ABR: variants seen among roughly 807,000 people sequenced by gnomAD.
ABR encodes the protein active breakpoint cluster region-related protein.
A neutral mutation model predicts 107.2 loss-of-function variants in ABR; 35 were observed. That is an observed-to-expected ratio of 0.33 (90% confidence interval 0.25 to 0.43). The LOEUF is 0.43. ABR is among the 20% of genes least tolerant of loss of function. ABR has a pLI of 1.00. For synonymous variants in ABR, 498 were observed against 462.0 expected, an observed-to-expected ratio of 1.08 and a Z score of -1.00; for missense variants, 815 against 1,115.2, an observed-to-expected ratio of 0.73 and a Z score of 3.83.
chr17:1,130,934 C>G (rs2039795021), intron 1 of ABR, among the ~76,000 whole-genome samples: 1 of 152,346 alleles, frequency 6.6e-6, no homozygotes, highest in South Asian at 2.1e-4. Flanking sequence ...GACTTCTGGT[C>G]TTCAGACTGC....
In ABR at chr17:1,010,968, G is replaced by T; in HGVS notation, c.2102-105C>A. 6.8e-7 allele frequency: 1 copy of T among 1,464,760 alleles called. No individual in the cohort carries two copies. The highest frequency in any genetic ancestry group is 9.3e-7 in the Non-Finnish European group (1 of 1,071,964). The allele number at this position is 1,464,760 out of a possible 1,614,324, so 90.7% of individuals were successfully genotyped here. ...CCCCACCCACTCCAGCTCTGGTTCT[G>T]GTCTCCCCTGGAAGAGCAGGATGTA... On this transcript the variant is annotated intron_variant, in intron 19 of 22. Coordinates refer to ENST00000302538, the MANE Select transcript of ABR (RefSeq NM_021962.5). The surrounding 1 kb of genome is among the most constrained non-coding windows in gnomAD (Gnocchi z 4.1).
intron 1 of ABR, among the ~76,000 whole-genome samples, chr17:1,149,049 C>A (rs1463608097): frequency 1.3e-5 from 2 of 149,574 alleles, no homozygotes; most frequent in East Asian, 3.9e-4. Context: ...CGACAGGTGC[C>A]TGCCACCATG....
chr17:1,143,012 A>AG, intron 1 of ABR, among the ~76,000 whole-genome samples: 1 of 50,180 alleles, frequency 2.0e-5, no homozygotes, highest in Non-Finnish European at 4.0e-5. Flanking sequence ...ATTCCTGGGG[A>AG]CAGCTCGCTC....
chr17:1,097,989 G>C (rs144149950), intron 3 of ABR, among the ~76,000 whole-genome samples: 32 of 152,186 alleles, frequency 2.1e-4, no homozygotes, highest in African/African-American at 6.0e-4. Flanking sequence ...GAGAGAGAAA[G>C]AATGGCATCC....
At chr17:1,074,304 C>G (rs1322283197) in intron 6 of ABR, among the ~76,000 whole-genome samples, 1 of 150,766 alleles carries the variant, frequency 6.6e-6, no homozygotes, top group Non-Finnish European at 1.5e-5. Flanking sequence ...CTCCACCCAG[C>G]CATGCCCTGC....
chr17:1,137,384 C>T (rs991855111), intron 1 of ABR, among the ~76,000 whole-genome samples: 5 of 152,052 alleles, frequency 3.3e-5, no homozygotes, highest in Non-Finnish European at 5.9e-5. Context: ...GTGACAGACG[C>T]ACACCTCGAG....
intron 5 of ABR, among the ~76,000 whole-genome samples, chr17:1,081,853 A>G (rs1011387387): frequency 1.3e-5 from 2 of 152,188 alleles, no homozygotes; most frequent in Non-Finnish European, 2.9e-5. Flanking sequence ...CTGGGATGAC[A>G]GGTGTGAGCC....
intron 3 of ABR, 25 bp from the exon 4 acceptor site, chr17:1,091,875 G>C (rs1349955603): frequency 6.2e-7 from 1 of 1,603,692 alleles, no homozygotes; most frequent in African/African-American, 1.3e-5. Context: ...GGAAGAAAGA[G>C]CAGAGGTCGG....
Position 1,167,981 on chromosome 17 carries a change from G to A in ABR, c.61+11686C>T, listed in dbSNP as rs558367785. On this transcript the variant is annotated intron_variant, in intron 1 of 22. Coordinates refer to ENST00000302538, the MANE Select transcript of ABR (RefSeq NM_021962.5). The stretch of plus-strand genomic sequence containing the variant: ...AGCCTGGCCAACATGGTGAAACCCC[G>A]TCTCTACTAAAAATACAAAAATTAG... Among the ~76,000 whole-genome samples, 20 of 151,426 alleles carry A rather than the reference G, an allele frequency of 1.3e-4. No homozygotes were observed. The South Asian group carries it at 1.9e-3, about 14-fold the overall frequency.
intron 5 of ABR, among the ~76,000 whole-genome samples, chr17:1,080,537 G>A (rs1022444799): frequency 2.6e-5 from 4 of 151,904 alleles, no homozygotes; most frequent in Non-Finnish European, 4.4e-5. Context: ...GTGAGGCCAC[G>A]GTCAGGTGCC....
chr17:1,109,119 C>CGGGAGGAGGGA, intron 2 of ABR: 1 of 1,321,012 alleles, frequency 7.6e-7, no homozygotes, highest in Non-Finnish European at 1.0e-6. Flanking sequence ...CACGCAGCGG[C>CGGGAGGAGGGA]GGCGGGAGGA....
In ABR at chr17:1,197,818, G is replaced by A. The variant is rs75250703; in HGVS notation, c.838+30975C>T. ...GATCAGCGCTCACCCAAACCAGACCGTGACTTGGTTTTCCCCAGAGAGCAG... is the reference window on the plus strand; with the variant it reads ...GATCAGCGCTCACCCAAACCAGACCATGACTTGGTTTTCCCCAGAGAGCAG... On this transcript the variant is annotated intron_variant, in intron 1 of 22. Transcript: ENST00000574139. Among the ~76,000 whole-genome samples, 1,469 of 151,762 alleles carry A rather than the reference G, an allele frequency of 9.7e-3. 22 individuals carry two copies. Among genetic ancestry groups the A allele is most frequent in the Non-Finnish European group, 0.016 (1,110 of 68,008 alleles).
At chr17:1,144,592 A>G (rs1278632906) in intron 1 of ABR, among the ~76,000 whole-genome samples, 2 of 151,610 alleles carry the variant, frequency 1.3e-5, no homozygotes, top group East Asian at 3.9e-4. Flanking sequence ...ATCAGGCAAA[A>G]AAAAAAAAAG....
rs2035890245 is a variant in ABR, at chr17:1,078,172, C to G, written c.700+1158G>C. Among the ~76,000 whole-genome samples, 1 of 151,844 alleles carries G rather than the reference C, an allele frequency of 6.6e-6. No homozygotes were observed. Among genetic ancestry groups the G allele is most frequent in the African/African-American group, 2.4e-5 (1 of 41,352 alleles). ...CTTGCCACACCCCTCTCCCGCTGGC[C>G]CTGCCGACCTGCCTTCCACAGTTGA... On this transcript the variant is annotated intron_variant, in intron 6 of 22. Transcript: ENST00000302538. The surrounding 1 kb of genome is among the most constrained non-coding windows in gnomAD (Gnocchi z 7.5).
chr17:1,009,826 C>T lies in ABR; in HGVS notation c.2237-42G>A, dbSNP rs754092999. 7 of 1,556,244 alleles carry T rather than the reference C, an allele frequency of 4.5e-6. No homozygotes were observed. The African/African-American group carries it at 8.1e-5, about 18-fold the overall frequency. ...CCAGTGTGGCGTTTGGCTCCTGGGG[C>T]TCCCCGCCAGGGCCCCTGTGGTCGT... is the stretch of plus-strand genomic sequence containing the variant. On this transcript the variant is annotated intron_variant, in intron 20 of 22. Coordinates refer to ENST00000302538, the MANE Select transcript of ABR (RefSeq NM_021962.5).
In ABR at chr17:1,037,655, C is replaced by T. The variant is rs1421783192; in HGVS notation, c.1791+12395G>A. Reference sequence around the variant, plus strand: ...GCTGGAGCCCCCCTGGGCTGCTTGCCTGCTCCTCCTCCCGGGAAGGAGGGG... The same window carrying T: ...GCTGGAGCCCCCCTGGGCTGCTTGCTTGCTCCTCCTCCCGGGAAGGAGGGG... On this transcript the variant is annotated intron_variant, in intron 16 of 22. Transcript: ENST00000302538. This position sits in a 1 kb window ranked among gnomAD's most constrained non-coding sequence, Gnocchi z 4.6. 6.6e-6 allele frequency among the ~76,000 whole-genome samples: 1 copy of T among 152,198 alleles called. No individual in the cohort carries two copies. The highest frequency in any genetic ancestry group is 2.4e-5 in the African/African-American group (1 of 41,458).
At chr17:1,145,849 C>T (rs888311719) in intron 1 of ABR, among the ~76,000 whole-genome samples, 1 of 152,222 alleles carries the variant, frequency 6.6e-6, no homozygotes, top group African/African-American at 2.4e-5. Context: ...AAGGCGTCCA[C>T]TTGCACCCCT....
intron 1 of ABR, among the ~76,000 whole-genome samples, chr17:1,202,874 C>T (rs9901786): frequency 0.032 from 4,332 of 134,246 alleles, 198 homozygotes; most frequent in African/African-American, 0.11. Context: ...AAAGTAATTG[C>T]TGTTTTTGCC....
Position 1,070,240 on chromosome 17 carries a change from C to T in ABR, c.895-150G>A. The T allele has an allele frequency of 9.6e-7, 1 of 1,043,560 alleles. No homozygotes were observed. The highest frequency in any genetic ancestry group is 1.6e-5 in the South Asian group (1 of 63,162). The allele number at this position is 1,043,560 out of a possible 1,614,324, so 64.6% of individuals were successfully genotyped here. A position where few individuals can be genotyped will look rare whatever the true frequency, so the allele number is the denominator to read the frequency against. ...TAACCAAAGGTGGTTCAAGCACTGC[C>T]TTTGGAGTCACATGGGCATGGGTTT... On this transcript the variant is annotated intron_variant, in intron 8 of 22. Coordinates refer to ENST00000302538, the MANE Select transcript of ABR (RefSeq NM_021962.5). This position sits in a 1 kb window ranked among gnomAD's most constrained non-coding sequence, Gnocchi z 4.2.
Sources: allele counts gnomAD v4.1 joint callset (sites outside exome capture counted in the v4.1 genomes callset), GRCh38; gene constraint gnomAD v4.1.1; non-coding constraint Gnocchi (gnomAD v3.1); transcripts MANE v1.5; gene names NCBI Gene and HGNC (gene_info 2026-07-23, HGNC 2026-07-21).